Variants in CNTN5 observed in about 807,000 individuals in gnomAD.
CNTN5 encodes the protein contactin-5.
Under a neutral mutation model 129.1 loss-of-function variants are expected in CNTN5, and 77 were observed. That is an observed-to-expected ratio of 0.60 (90% CI 0.50 to 0.72). The LOEUF is 0.72. CNTN5 is among the 30% of genes least tolerant of loss of function. The probability of loss-of-function intolerance (pLI) is 0.00; values close to 1 mark genes in which losing one functional copy is unlikely to be tolerated. For missense variants in CNTN5, 1,478 were observed against 1,328.8 expected (o/e 1.11, Z -1.75); for synonymous variants, 509 against 465.6 (o/e 1.09, Z -1.20).
chr11:100,116,022 T>C (rs993486291), intron 13 of CNTN5, among the ~76,000 whole-genome samples: 3 of 152,038 alleles, frequency 2.0e-5, no homozygotes, highest in African/African-American at 7.2e-5. Context: ...TTAATGCTTT[T>C]GGAGAAGAAC....
At chr11:100,328,047 T>A (rs1951825623) in intron 21 of CNTN5, among the ~76,000 whole-genome samples, 1 of 152,068 alleles carries the variant, frequency 6.6e-6, no homozygotes, top group Non-Finnish European at 1.5e-5. Flanking sequence ...CTAAGAGTTG[T>A]ATTTTTAAAA....
chr11:100,035,425 A>T (rs1432263369), intron 9 of CNTN5, among the ~76,000 whole-genome samples: 1 of 146,880 alleles, frequency 6.8e-6, no homozygotes, highest in Non-Finnish European at 1.5e-5. Flanking sequence ...GTGCCGCAAT[A>T]AACATACGTG....
chr11:99,819,230 C>T (rs973920241), intron 3 of CNTN5, among the ~76,000 whole-genome samples: 2 of 145,794 alleles, frequency 1.4e-5, no homozygotes, highest in Admixed American at 1.4e-4. Flanking sequence ...TCCTACTTAC[C>T]TCTCTCTCTC....
At chr11:99,444,944 C>CA (rs1943999755) in intron 2 of CNTN5, among the ~76,000 whole-genome samples, 1 of 151,074 alleles carries the variant, frequency 6.6e-6, no homozygotes, top group Non-Finnish European at 1.5e-5. Context: ...CTCATATGAT[C>CA]AAAATTTAAT....
chr11:99,934,927 TATATATATATATATATATATAC>T (rs574319705), intron 7 of CNTN5, among the ~76,000 whole-genome samples: 666 of 65,384 alleles, frequency 0.01, 23 homozygotes, highest in African/African-American at 0.032. Context: ...TATATATATA[TATATATATATATATATATATAC>T]ACACACATAT....
intron 8 of CNTN5, among the ~76,000 whole-genome samples, chr11:99,990,111 T>C (rs1003900959): frequency 2.6e-5 from 4 of 152,108 alleles, no homozygotes; most frequent in Admixed American, 2.6e-4. Context: ...GTTTGGTAAA[T>C]ATATATAGTT....
At chr11:99,794,362 T>C (rs564134837) in intron 3 of CNTN5, among the ~76,000 whole-genome samples, 1 of 152,294 alleles carries the variant, frequency 6.6e-6, no homozygotes, top group African/African-American at 2.4e-5. Context: ...CTATTTGGTT[T>C]TCCTTGTTTA....
chr11:99,522,712 GA>G (rs1327662495), intron 2 of CNTN5, among the ~76,000 whole-genome samples: 4 of 152,126 alleles, frequency 2.6e-5, no homozygotes, highest in Non-Finnish European at 5.9e-5. Context: ...GGAATGAAAA[GA>G]ATACTTTTTA....
intron 2 of CNTN5, among the ~76,000 whole-genome samples, chr11:99,458,009 A>G (rs928662942): frequency 1.3e-5 from 2 of 151,880 alleles, no homozygotes; most frequent in African/African-American, 4.8e-5. Context: ...CCAAATCTTA[A>G]TACTTCTGAA....
intron 15 of CNTN5, among the ~76,000 whole-genome samples, chr11:100,221,271 T>C (rs1949259670): frequency 6.6e-6 from 1 of 152,188 alleles, no homozygotes; most frequent in Non-Finnish European, 1.5e-5. Flanking sequence ...GTTGGTGTTG[T>C]AGAATGACAG....
rs974940210 is a variant in CNTN5, at chr11:99,910,092, T to G, written c.578-5962T>G. On this transcript the variant is annotated intron_variant, in intron 6 of 24. Coordinates refer to ENST00000524871, the MANE Select transcript of CNTN5 (RefSeq NM_014361.4). ...TAGCTCTAGATTTTTAAATGCTAAT[T>G]TCAAAGCTGAATTAGTCACTTTGAA... 5.3e-5 allele frequency among the ~76,000 whole-genome samples: 8 copies of G among 152,086 alleles called. No individual in the cohort carries two copies. The East Asian group carries it at 5.9e-4, about 11-fold the overall frequency.
chr11:99,559,708 A>G (rs908437049), intron 3 of CNTN5, among the ~76,000 whole-genome samples: 1 of 152,176 alleles, frequency 6.6e-6, no homozygotes, highest in African/African-American at 2.4e-5. Flanking sequence ...CTAGGCATTT[A>G]CCTAACTGAT....
intron 21 of CNTN5, among the ~76,000 whole-genome samples, chr11:100,339,441 A>T (rs1168101840): frequency 1.3e-5 from 2 of 152,090 alleles, no homozygotes; most frequent in Non-Finnish European, 2.9e-5. Flanking sequence ...GCCCTCTCTC[A>T]TCGCTTCTGA....
At chr11:99,134,091 T>C (rs112086525) in intron 1 of CNTN5, among the ~76,000 whole-genome samples, 5,388 of 152,208 alleles carry the variant, frequency 0.035, 136 homozygotes, top group African/African-American at 0.07. Flanking sequence ...AATGAAATCA[T>C]ATCTTTTGCA....
intron 3 of CNTN5, among the ~76,000 whole-genome samples, chr11:99,611,426 A>C (rs80054119): frequency 0.032 from 4,867 of 152,270 alleles, 220 homozygotes; most frequent in African/African-American, 0.094. Flanking sequence ...AATCTTACTA[A>C]AGACGTACAA....
At chr11:100,240,871 T>C (rs1473758652) in intron 16 of CNTN5, among the ~76,000 whole-genome samples, 1 of 152,204 alleles carries the variant, frequency 6.6e-6, no homozygotes, top group Non-Finnish European at 1.5e-5. Flanking sequence ...CTGTGATAGG[T>C]TTGTGAAAAT....
intron 15 of CNTN5, among the ~76,000 whole-genome samples, chr11:100,206,591 TA>T (rs1565342202): frequency 1.3e-5 from 2 of 152,130 alleles, no homozygotes. Flanking sequence ...ATAGATAAAA[TA>T]GAAATTATTA....
intron 3 of CNTN5, among the ~76,000 whole-genome samples, chr11:99,772,152 C>T (rs1318306761): frequency 1.3e-5 from 2 of 150,638 alleles, no homozygotes; most frequent in Admixed American, 6.6e-5. Context: ...TCTACTACAT[C>T]AATTACTTCA....
chr11:100,002,435 T>C (rs1939934091), intron 9 of CNTN5, among the ~76,000 whole-genome samples: 1 of 152,164 alleles, frequency 6.6e-6, no homozygotes, highest in African/African-American at 2.4e-5. Flanking sequence ...CATCTTTAAA[T>C]TTCATTCAGT....
Sources: allele counts gnomAD v4.1 joint callset (sites outside exome capture counted in the v4.1 genomes callset), GRCh38; gene constraint gnomAD v4.1.1; transcripts MANE v1.5; gene names NCBI Gene and HGNC (gene_info 2026-07-23, HGNC 2026-07-21).